The following COL7A1 variants were observed in gnomAD, a reference collection of about 807,000 sequenced individuals.
The protein encoded by COL7A1 is collagen alpha-1(VII) chain.
In COL7A1, 296 loss-of-function variants were observed where a neutral mutation model predicts 456.2. That is an observed-to-expected ratio of 0.65 (90% CI 0.59 to 0.71). The LOEUF (loss-of-function observed/expected upper bound fraction) is 0.71. Among genes scored for constraint, COL7A1 ranks in the 30% least tolerant of loss-of-function variants. The pLI, the probability that COL7A1 is intolerant of heterozygous loss-of-function variation, is 0.00. For missense variants in COL7A1, 3,441 were observed against 4,017.2 expected (o/e 0.86, Z 3.88); for synonymous variants, 1,464 against 1,525.9 (o/e 0.96, Z 0.95).
rs764200101 is a variant in COL7A1 at position 48,593,738 on chromosome 3, C to G, written c.267-42G>C. On this transcript the variant is annotated intron_variant, in intron 3 of 118. Transcript: ENST00000681320. The surrounding 1 kb of genome is among the most constrained non-coding windows in gnomAD (Gnocchi z 4.4). Reference sequence around the variant, plus strand: ...GTGGCAACAGGCTAGGACTCAGGATCTCTTCTGGCCCTGGCCTTGAGGAGG... The same window carrying G: ...GTGGCAACAGGCTAGGACTCAGGATGTCTTCTGGCCCTGGCCTTGAGGAGG... 6.2e-7 allele frequency: 1 copy of G among 1,613,588 alleles called. No individual in the cohort carries two copies. The highest frequency in any genetic ancestry group is 1.7e-5 in the Admixed American group (1 of 60,016).
In COL7A1 at chr3:48,574,463, GTGTGGC is replaced by G; in HGVS notation, c.6456+19_6456+24del. The G allele has an allele frequency of 6.2e-7, 1 of 1,614,078 alleles. No individual in the cohort carries two copies. Among genetic ancestry groups the G allele is most frequent in the Non-Finnish European group, 8.5e-7 (1 of 1,180,000 alleles). ...ATGTGAGAGCCACCTTCTTGCACAT[GTGTGGC>G]TGTTGGGCAAGGACTTACCGGGTTG... On this transcript the variant is annotated intron_variant, in intron 79 of 118. Transcript: ENST00000681320. This position sits in a 1 kb window ranked among gnomAD's most constrained non-coding sequence, Gnocchi z 5.0.
Position 48,593,774 on chromosome 3 carries a change from G to A in COL7A1, c.267-78C>T. Reference sequence around the variant, plus strand: ...CTGGCCTTGAGGAGGCCTCTAGGGTGAGGGTTACGGGTATCAGGCTCTCTT... The same window carrying A: ...CTGGCCTTGAGGAGGCCTCTAGGGTAAGGGTTACGGGTATCAGGCTCTCTT... On this transcript the variant is annotated intron_variant, in intron 3 of 118. Coordinates refer to ENST00000681320, the MANE Select transcript of COL7A1 (RefSeq NM_000094.4). The surrounding 1 kb of genome is among the most constrained non-coding windows in gnomAD (Gnocchi z 4.4). 18 of 1,547,866 alleles carry A rather than the reference G, an allele frequency of 1.2e-5. No homozygotes were observed. Among genetic ancestry groups the A allele is most frequent in the Non-Finnish European group, 1.5e-5 (17 of 1,120,064 alleles).
chr3:48,592,487 G>A lies in COL7A1; in HGVS notation c.977-20C>T. 6.2e-7 allele frequency: 1 copy of A among 1,613,384 alleles called. No individual in the cohort carries two copies. Among genetic ancestry groups the A allele is most frequent in the Non-Finnish European group, 8.5e-7 (1 of 1,179,884 alleles). ...GGGCAGCTGGGGGAGAGTCCCACCA[G>A]GGATTCATGGAGTCAGAAGTGGGAG... On this transcript the variant is annotated intron_variant, in intron 8 of 118. Transcript: ENST00000681320. The surrounding 1 kb of genome is among the most constrained non-coding windows in gnomAD (Gnocchi z 7.6).
chr3:48,566,269 C>T lies in COL7A1; in HGVS notation c.8405G>A (p.Cys2802Tyr). 6 of 1,600,064 alleles carry T rather than the reference C, an allele frequency of 3.7e-6. No homozygotes were observed. The highest frequency in any genetic ancestry group is 3.4e-5 in the South Asian group (3 of 88,430). Residue 2802 changes from cysteine (C) to tyrosine (Y), a missense_variant and splice_region_variant, in exon 114 of 119, where the codon TGT becomes TAT. Transcript: ENST00000681320. This position sits in a 1 kb window ranked among gnomAD's most constrained non-coding sequence, Gnocchi z 5.9. ...ACTGCGGGCTGGGCACCACTCACCA[C>T]AGTGCTGACTCATCTCTTGGCGCAC... is the stretch of plus-strand genomic sequence containing the variant. ...GFVRQEMSQHCACQGQFIASG... is the reference protein window; with the variant it reads ...GFVRQEMSQHYACQGQFIASG...
chr3:48,595,184 A>G (rs915569236), intron 1 of COL7A1, 24 bp from the exon 2 acceptor site: 4 of 1,543,906 alleles, frequency 2.6e-6, no homozygotes, highest in Non-Finnish European at 3.5e-6. Flanking sequence ...GCCGTCAGCT[A>G]GGACCCCCGC....
At position 48,572,257 on chromosome 3, in the gene COL7A1, A is replaced by G; in HGVS notation, c.6979-86T>C. On this transcript the variant is annotated intron_variant, in intron 90 of 118. Coordinates refer to ENST00000681320, the MANE Select transcript of COL7A1 (RefSeq NM_000094.4). This position sits in a 1 kb window ranked among gnomAD's most constrained non-coding sequence, Gnocchi z 4.6. ...GGAGGCATGGGGCCAGAGCTTAAAT[A>G]TGCGGTCTACTATGAAAGCTGAGGG... 1 of 1,611,694 alleles carries G rather than the reference A, an allele frequency of 6.2e-7. No homozygotes were observed. The highest frequency in any genetic ancestry group is 8.5e-7 in the Non-Finnish European group (1 of 1,177,872).
At position 48,565,431 on chromosome 3, in the gene COL7A1, C is replaced by T. The variant is rs1246764789; in HGVS notation, c.8506G>A (p.Val2836Ile). The T allele has an allele frequency of 9.3e-6, 15 of 1,611,782 alleles. No individual in the cohort carries two copies. The highest frequency in any genetic ancestry group is 4.5e-5 in the East Asian group (2 of 44,812). The change falls in exon 116 of 119, where the codon GTC becomes ATC. Residue 2836 changes from valine to isoleucine, a missense_variant. Transcript: ENST00000681320. This position sits in a 1 kb window ranked among gnomAD's most constrained non-coding sequence, Gnocchi z 4.5. ...SQLHAVPVLRVSHAEEEERVP... is the reference protein window; with the variant it reads ...SQLHAVPVLRISHAEEEERVP... Reference sequence around the variant, plus strand: ...TCACCTTCCTCCTCTGCATGAGAGACGCGGAGCACAGGCACAGCATGGAGC... The same window carrying T: ...TCACCTTCCTCCTCTGCATGAGAGATGCGGAGCACAGGCACAGCATGGAGC...
At position 48,574,184 on chromosome 3, in the gene COL7A1, G is replaced by A. The variant is rs2044125884; in HGVS notation, c.6501+78C>T. ...AGGTACACACAAACACACACACACA[G>A]ACATGCACACACACAGCAGCAGCAG... On this transcript the variant is annotated intron_variant, in intron 80 of 118. Coordinates refer to ENST00000681320, the MANE Select transcript of COL7A1 (RefSeq NM_000094.4). The surrounding 1 kb of genome is among the most constrained non-coding windows in gnomAD (Gnocchi z 5.0). The A allele has an allele frequency of 8.4e-6, 13 of 1,542,378 alleles. No individual in the cohort carries two copies. The highest frequency in any genetic ancestry group is 1.4e-5 in the African/African-American group (1 of 73,254).
At position 48,574,852 on chromosome 3, in the gene COL7A1, T is replaced by G. The variant is rs886058635; in HGVS notation, c.6293A>C (p.Glu2098Ala). ...GPPGPKVSVD[E>A]PGPGLSGEQG... The stretch of plus-strand genomic sequence containing the variant: ...TTCTCCAGAGAGTCCAGGACCTGGC[T>G]CATCCACAGACACCTACAAACACAA... The change falls in exon 77 of 119, where the codon GAG (glutamate) becomes GCG (alanine). Residue 2098 changes from glutamate to alanine, a missense_variant. Coordinates refer to ENST00000681320, the MANE Select transcript of COL7A1 (RefSeq NM_000094.4). The surrounding 1 kb of genome is among the most constrained non-coding windows in gnomAD (Gnocchi z 5.0). The G allele has an allele frequency of 1.7e-5, 27 of 1,613,732 alleles. No individual in the cohort carries two copies. Among genetic ancestry groups the G allele is most frequent in the Non-Finnish European group, 2.3e-5 (27 of 1,179,988 alleles).
At position 48,580,756 on chromosome 3, in the gene COL7A1, C is replaced by T. The variant is rs771341463; in HGVS notation, c.4981-104G>A. The T allele has an allele frequency of 1.3e-5, 20 of 1,565,998 alleles. No homozygotes were observed. Among genetic ancestry groups the T allele is most frequent in the South Asian group, 2.2e-5 (2 of 89,568 alleles). On this transcript the variant is annotated intron_variant, in intron 54 of 118. Coordinates refer to ENST00000681320, the MANE Select transcript of COL7A1 (RefSeq NM_000094.4). This position sits in a 1 kb window ranked among gnomAD's most constrained non-coding sequence, Gnocchi z 4.5. Reference sequence around the variant, plus strand: ...TTCCCCATTACTCCAAAATCCACATCAGAGGTTCCCATCACCCCATGCCTC... The same window carrying T: ...TTCCCCATTACTCCAAAATCCACATTAGAGGTTCCCATCACCCCATGCCTC...
In COL7A1 at chr3:48,581,094, C is replaced by A. The variant is rs1213277931; in HGVS notation, c.4935+28G>T. ...GGATCCTAGTTCAAGGGTAAAGGAT[C>A]AGAAACCACAGTGGGAAGGAGTCTC... is the stretch of plus-strand genomic sequence containing the variant. On this transcript the variant is annotated intron_variant, in intron 53 of 118. Transcript: ENST00000681320. This position sits in a 1 kb window ranked among gnomAD's most constrained non-coding sequence, Gnocchi z 5.8. 6 of 1,613,600 alleles carry A rather than the reference C, an allele frequency of 3.7e-6. No individual in the cohort carries two copies. The highest frequency in any genetic ancestry group is 5.1e-6 in the Non-Finnish European group (6 of 1,179,852).
chr3:48,585,562 C>T lies in COL7A1; in HGVS notation c.3889G>A (p.Glu1297Lys), dbSNP rs149881350. 2,753 of 1,613,886 alleles carry T rather than the reference C, an allele frequency of 1.7e-3. 10 individuals are homozygous for T. Among genetic ancestry groups the T allele is most frequent in the South Asian group, 4.0e-3 (366 of 91,076 alleles). Residue 1297 changes from glutamate to lysine, a missense_variant, in exon 32 of 119, where the codon GAG becomes AAG. Coordinates refer to ENST00000681320, the MANE Select transcript of COL7A1 (RefSeq NM_000094.4). This position sits in a 1 kb window ranked among gnomAD's most constrained non-coding sequence, Gnocchi z 4.5. Reference protein sequence around the residue: ...GPPGSATAKGERGFPGADGRP... With the variant: ...GPPGSATAKGKRGFPGADGRP... ...TCGATGGTCTCCACACTCACCCTCT[C>T]GCCCTTGGCAGTGGCACTTCCAGGG...
Position 48,570,001 on chromosome 3 carries a change from G to T in COL7A1, c.7486-86C>A. ...TCAGGGGGAGGAGGGAAACAGTGGGGACCAGACAAAGGGGACAGGGGTAGA... is the reference window on the plus strand; with the variant it reads ...TCAGGGGGAGGAGGGAAACAGTGGGTACCAGACAAAGGGGACAGGGGTAGA... On this transcript the variant is annotated intron_variant, in intron 99 of 118. Transcript: ENST00000681320. This position sits in a 1 kb window ranked among gnomAD's most constrained non-coding sequence, Gnocchi z 5.5. 1 of 1,601,992 alleles carries T rather than the reference G, an allele frequency of 6.2e-7. No individual in the cohort carries two copies. Among genetic ancestry groups the T allele is most frequent in the South Asian group, 1.1e-5 (1 of 90,430 alleles).
rs1335334780 is a variant in COL7A1, at chr3:48,578,923, C to G, written c.5420G>C (p.Arg1807Thr). 1 of 1,613,924 alleles carries G rather than the reference C, an allele frequency of 6.2e-7. No homozygotes were observed. ...CCAGCATCTCCCCTCACTTACGTCT[C>G]TCCCTGGGTCCCCAGCTTTGCCTGC... ...GAAGKAGDPGRDGLPGLRGEQ... is the reference protein window; with the variant it reads ...GAAGKAGDPGTDGLPGLRGEQ... Residue 1807 changes from arginine (R) to threonine (T), a missense_variant, in exon 63 of 119, where the codon AGA (arginine) becomes ACA (threonine). Physicochemically the swap from Arg to Thr is moderately conservative, Grantham distance 71. Coordinates refer to ENST00000681320, the MANE Select transcript of COL7A1 (RefSeq NM_000094.4). This position sits in a 1 kb window ranked among gnomAD's most constrained non-coding sequence, Gnocchi z 4.7.
Position 48,564,886 on chromosome 3 carries a change from G to A in COL7A1, c.8715C>T (p.His2905=). 1 of 1,614,202 alleles carries A rather than the reference G, an allele frequency of 6.2e-7. No individual in the cohort carries two copies. Among genetic ancestry groups the A allele is most frequent in the Non-Finnish European group, 8.5e-7 (1 of 1,180,024 alleles). ...RAVTGSTEAC[H]PFVYGGCGGN... is the part of the protein sequence containing the mutation. ...CTCCACAGCCACCATAGACAAAAGGGTGACAGGCCTCTGTGCTGCCTGTCA... is the reference window on the plus strand; with the variant it reads ...CTCCACAGCCACCATAGACAAAAGGATGACAGGCCTCTGTGCTGCCTGTCA... The change falls in exon 118 of 119, where the codon CAC becomes CAT. Residue 2905 remains histidine (H), a synonymous_variant. Transcript: ENST00000681320. The surrounding 1 kb of genome is among the most constrained non-coding windows in gnomAD (Gnocchi z 6.0).
rs770222113 is a variant in COL7A1 at position 48,585,788 on chromosome 3, C to T, written c.3786+42G>A. On this transcript the variant is annotated intron_variant, in intron 30 of 118. Transcript: ENST00000681320. This position sits in a 1 kb window ranked among gnomAD's most constrained non-coding sequence, Gnocchi z 4.5. ...CTGCCAACCTCTCCTGCCCCACTGA[C>T]ACTCAACCCATTCTCTATTCCCCGC... 11 of 1,614,098 alleles carry T rather than the reference C, an allele frequency of 6.8e-6. No individual in the cohort carries two copies. The East Asian group carries it at 2.5e-4, about 36-fold the overall frequency.
Position 48,591,887 on chromosome 3 carries a change from C to G in COL7A1, c.1357+11G>C. The G allele has an allele frequency of 1.2e-6, 2 of 1,614,180 alleles. No homozygotes were observed. The highest frequency in any genetic ancestry group is 1.7e-6 in the Non-Finnish European group (2 of 1,180,028). On this transcript the variant is annotated intron_variant, in intron 11 of 118. Transcript: ENST00000681320. The surrounding 1 kb of genome is among the most constrained non-coding windows in gnomAD (Gnocchi z 7.0). ...TGACCCTTGCCTGTCCATCCCTTCC[C>G]CCGCACTGACCAGTCTCACGCCGCC...
chr3:48,580,324 T>A lies in COL7A1; in HGVS notation c.5073A>T (p.Gly1691=), dbSNP rs1316065663. The change falls in exon 56 of 119, where the codon GGA becomes GGT. Residue 1691 remains glycine, a synonymous_variant. Coordinates refer to ENST00000681320, the MANE Select transcript of COL7A1 (RefSeq NM_000094.4). This position sits in a 1 kb window ranked among gnomAD's most constrained non-coding sequence, Gnocchi z 4.5. ...CCGGCTCCCCACGGTCACCCTTGGG[T>A]CCAGATGATCCAGGGCTGCCCTGCA... ...DGRNGSPGSS[G]PKGDRGEPGP... is the part of the protein sequence containing the mutation. 1.9e-6 allele frequency: 3 copies of A among 1,609,664 alleles called. No homozygotes were observed. The highest frequency in any genetic ancestry group is 2.5e-6 in the Non-Finnish European group (3 of 1,178,004).
Position 48,571,746 on chromosome 3 carries a change from AG to A in COL7A1, c.7068+254del, listed in dbSNP as rs2043933852. 4.7e-6 allele frequency: 3 copies of A among 634,018 alleles called. No individual in the cohort carries two copies. The highest frequency in any genetic ancestry group is 8.7e-6 in the Non-Finnish European group (3 of 346,616). The allele number at this position is 634,018 out of a possible 1,614,324, so 39.3% of individuals were successfully genotyped here. On this transcript the variant is annotated intron_variant, in intron 92 of 118. Transcript: ENST00000681320. The surrounding 1 kb of genome is among the most constrained non-coding windows in gnomAD (Gnocchi z 4.6). Reference sequence around the variant, plus strand: ...CCTGGGATCTGGGAGATCAGACCAGAGCACACGTGTGCCCAGATGTGGTGAG... The same window carrying A: ...CCTGGGATCTGGGAGATCAGACCAGACACACGTGTGCCCAGATGTGGTGAG...
Sources: gnomAD v4.1 joint callset for allele counts on GRCh38, gnomAD v4.1.1 for gene constraint, Gnocchi (gnomAD v3.1) non-coding constraint, MANE v1.5 for transcripts, NCBI Gene and HGNC (gene_info 2026-07-23, HGNC 2026-07-21) for gene names.